The following AKAP19 variants were observed in gnomAD, a reference collection of about 807,000 sequenced individuals.
AKAP19 encodes the protein A-kinase anchoring protein 19, also known as small A-kinase anchoring protein.
the AKAP19 span, among the ~76,000 whole-genome samples, chr2:190,152,919 G>A: frequency 2.8e-5 from 4 of 143,970 alleles, no homozygotes; most frequent in South Asian, 4.3e-4. Context: ...TTTTTGAGAC[G>A]AAGTCTCACT....
chr2:190,144,985 A>T, the AKAP19 span, among the ~76,000 whole-genome samples: 1 of 152,054 alleles, frequency 6.6e-6, no homozygotes, highest in Non-Finnish European at 1.5e-5. Context: ...TCAAAAAAAA[A>T]ATTATTCTGG....
chr2:189,992,244 C>T, the AKAP19 span, among the ~76,000 whole-genome samples: 2 of 151,896 alleles, frequency 1.3e-5, no homozygotes, highest in Non-Finnish European at 2.9e-5. Flanking sequence ...TTAGTAGAGA[C>T]AGGTTTTCAC....
chr2:190,036,316 C>T, the AKAP19 span, among the ~76,000 whole-genome samples: 12 of 152,282 alleles, frequency 7.9e-5, no homozygotes, highest in East Asian at 1.3e-3. Flanking sequence ...TGGCACAGTA[C>T]AGCTGACTTG....
chr2:190,080,685 C>G, the AKAP19 span, among the ~76,000 whole-genome samples: 1 of 152,310 alleles, frequency 6.6e-6, no homozygotes, highest in African/African-American at 2.4e-5. Context: ...GGTCCAGGTT[C>G]TTTGGCCTTA....
At chr2:189,887,054 A>G in the AKAP19 span, among the ~76,000 whole-genome samples, 1 of 152,128 alleles carries the variant, frequency 6.6e-6, no homozygotes, top group Non-Finnish European at 1.5e-5. Flanking sequence ...GATTCGTTAC[A>G]TAGGTATACA....
At chr2:190,132,967 T>G in the AKAP19 span, among the ~76,000 whole-genome samples, 1 of 151,968 alleles carries the variant, frequency 6.6e-6, no homozygotes. Context: ...TTTAAAAATG[T>G]GCAAAAGGCC....
chr2:189,948,079 C>T, the AKAP19 span, among the ~76,000 whole-genome samples: 5 of 152,184 alleles, frequency 3.3e-5, no homozygotes, highest in East Asian at 3.9e-4. Context: ...CTTATCACAG[C>T]GGTAAGTACA....
chr2:190,178,531 G>T, the AKAP19 span, among the ~76,000 whole-genome samples: 1 of 152,204 alleles, frequency 6.6e-6, no homozygotes, highest in Admixed American at 6.5e-5. The surrounding 1 kb of genome is among the most constrained non-coding windows in gnomAD (Gnocchi z 6.3). Context: ...AGATGGCAGA[G>T]GCCACGGGCT....
chr2:189,954,461 AATAC>A, the AKAP19 span, among the ~76,000 whole-genome samples: 1 of 152,228 alleles, frequency 6.6e-6, no homozygotes, highest in Non-Finnish European at 1.5e-5. Flanking sequence ...AAGTCTTACA[AATAC>A]ATACACATTA....
the AKAP19 span, among the ~76,000 whole-genome samples, chr2:189,959,295 C>T: frequency 6.6e-6 from 1 of 152,078 alleles, no homozygotes; most frequent in Non-Finnish European, 1.5e-5. Flanking sequence ...ATAGTAGCTA[C>T]ATTTCCTAGA....
chr2:190,011,057 T>C, the AKAP19 span, among the ~76,000 whole-genome samples: 3 of 143,758 alleles, frequency 2.1e-5, no homozygotes, highest in South Asian at 4.7e-4. Context: ...TCTCTTTTTT[T>C]TTTTTTTTTT....
chr2:190,159,152 G>A, the AKAP19 span, among the ~76,000 whole-genome samples: 1 of 152,336 alleles, frequency 6.6e-6, no homozygotes, highest in South Asian at 2.1e-4. Flanking sequence ...GTAAAGGAAA[G>A]TTATGATTAG....
the AKAP19 span, among the ~76,000 whole-genome samples, chr2:190,120,052 G>C: frequency 6.6e-6 from 1 of 152,164 alleles, no homozygotes; most frequent in Non-Finnish European, 1.5e-5. Flanking sequence ...TCCCCAACCC[G>C]AGGGCCGCGG....
At chr2:190,131,260 C>G in the AKAP19 span, among the ~76,000 whole-genome samples, 1 of 152,122 alleles carries the variant, frequency 6.6e-6, no homozygotes, top group African/African-American at 2.4e-5. Flanking sequence ...AAGACTAAGC[C>G]ATAGTTCTAA....
At chr2:190,141,613 C>T in the AKAP19 span, among the ~76,000 whole-genome samples, 11 of 152,120 alleles carry the variant, frequency 7.2e-5, no homozygotes, top group Non-Finnish European at 1.6e-4. Flanking sequence ...AAAACAGCAG[C>T]ATGGGGGTAA....
the AKAP19 span, among the ~76,000 whole-genome samples, chr2:190,184,621 C>T: frequency 0.067 from 10,153 of 152,000 alleles, 1,136 homozygotes; most frequent in African/African-American, 0.23. Flanking sequence ...TGAGGAAGGG[C>T]GGGAGGAGGA....
At chr2:190,026,176 A>G in the AKAP19 span, among the ~76,000 whole-genome samples, 1 of 152,084 alleles carries the variant, frequency 6.6e-6, no homozygotes. Flanking sequence ...TGTTTCTTCT[A>G]CTCCAGGGAT....
the AKAP19 span, among the ~76,000 whole-genome samples, chr2:190,198,409 G>A: frequency 1.3e-5 from 2 of 152,220 alleles, no homozygotes; most frequent in South Asian, 4.2e-4. Flanking sequence ...GGGAGGCTGA[G>A]GTGGGCAGAT....
At chr2:190,197,028 C>T in the AKAP19 span, among the ~76,000 whole-genome samples, 1 of 152,104 alleles carries the variant, frequency 6.6e-6, no homozygotes, top group African/African-American at 2.4e-5. This position sits in a 1 kb window ranked among gnomAD's most constrained non-coding sequence, Gnocchi z 4.0. Flanking sequence ...TTGTGGTTTA[C>T]AGCTTTTCAC....
Sources: gnomAD v4.1 joint callset for allele counts (sites outside exome capture counted in the v4.1 genomes callset) on GRCh38, gnomAD v4.1.1 for gene constraint, Gnocchi (gnomAD v3.1) non-coding constraint, MANE v1.5 for transcripts, NCBI Gene and HGNC (gene_info 2026-07-23, HGNC 2026-07-21) for gene names.